KIRREL2: variants seen among roughly 807,000 people sequenced by gnomAD.
KIRREL2 encodes kirre like nephrin family adhesion molecule 2.
In KIRREL2, 56 loss-of-function variants were observed where a neutral mutation model predicts 73.4. The ratio of observed to expected loss-of-function variants is 0.76; its 90% confidence interval spans 0.62 to 0.95. The LOEUF (loss-of-function observed/expected upper bound fraction) is 0.95, where lower values mean the gene tolerates loss of function less well. KIRREL2 is among the 40% of genes least tolerant of loss of function. The probability of loss-of-function intolerance (pLI) is 0.00; values close to 1 mark genes in which losing one functional copy is unlikely to be tolerated. For synonymous variants in KIRREL2, 407 were observed against 404.0 expected (o/e 1.01, Z -0.09); for missense variants, 896 against 935.0 (o/e 0.96, Z 0.54).
Position 35,864,718 on chromosome 19 carries a change from G to A in KIRREL2, c.1791+5G>A, listed in dbSNP as rs1369908414. ...GAAGGGACTCTGGAGACCAAGGTGA[G>A]TGTTGAGAGGGGTGGGGCTCCCTTC... On this transcript the variant is annotated splice_donor_5th_base_variant and intron_variant, in intron 14 of 14. Coordinates refer to ENST00000360202, the MANE Select transcript of KIRREL2 (RefSeq NM_199180.4). 49 of 1,607,462 alleles carry A rather than the reference G, an allele frequency of 3.0e-5. No homozygotes were observed. Among genetic ancestry groups the A allele is most frequent in the Non-Finnish European group, 4.2e-5 (49 of 1,174,126 alleles).
rs373473800 is a variant in KIRREL2, at chr19:35,857,475, G to A, written c.192G>A (p.Gly64=). ...GGACTAAGAGTGGGCTGGCCCTAGG[G>A]GGCCAAAGGGACCTACCAGGTAAGA... ...VQWTKSGLAL[G]GQRDLPGWSR... is the part of the protein sequence containing the mutation. The change falls in exon 2 of 15, where the codon GGG becomes GGA. Residue 64 remains glycine (G), a synonymous_variant. Coordinates refer to ENST00000360202, the MANE Select transcript of KIRREL2 (RefSeq NM_199180.4). The A allele has an allele frequency of 6.4e-5, 102 of 1,599,632 alleles. No individual in the cohort carries two copies. In the Middle Eastern group the frequency reaches 7.4e-3, roughly 116 times the overall value.
rs1973446297 is a variant in KIRREL2, at chr19:35,857,006, G to A, written c.-114G>A. On this transcript the variant is annotated 5_prime_UTR_variant, in exon 1 of 15. Transcript: ENST00000360202. ...CTCCAGGCCAGAGACTAGGCTGGGCGAAGAGTCGAGCGTGAAGGGGGCTCC... is the reference window on the plus strand; with the variant it reads ...CTCCAGGCCAGAGACTAGGCTGGGCAAAGAGTCGAGCGTGAAGGGGGCTCC... 3 of 1,069,916 alleles carry A rather than the reference G, an allele frequency of 2.8e-6. No individual in the cohort carries two copies. The highest frequency in any genetic ancestry group is 3.1e-5 in the African/African-American group (2 of 64,332). 66.3% of individuals were successfully genotyped at this position (1,069,916 alleles called of 1,614,324 possible).
chr19:35,862,796 G>A (rs1423327603), intron 12 of KIRREL2, 131 bp from the exon 13 acceptor site: 2 of 698,582 alleles, frequency 2.9e-6, no homozygotes, highest in African/African-American at 3.6e-5. Flanking sequence ...CGGTGGGAAT[G>A]ATTCTTATTG....
chr19:35,861,412 C>A, intron 9 of KIRREL2, 129 bp from the exon 10 acceptor site: 3 of 1,459,888 alleles, frequency 2.1e-6, no homozygotes, highest in South Asian at 1.2e-5. Context: ...TTAGGAGAAT[C>A]GGAGTTTGGA....
Position 35,861,817 on chromosome 19 carries a change from G to A in KIRREL2, c.1303G>A (p.Asp435Asn), listed in dbSNP as rs1973702876. ...PAPDAVVWSW[D>N]EGFLEAGSQG... ...TTTGTGCCCCCAGGTCTGGTCTTGG[G>A]ATGAGGGCTTCCTGGAGGCGGGGTC... Residue 435 changes from aspartate (D) to asparagine (N), a missense_variant, in exon 11 of 15, where the codon GAT (aspartate) becomes AAT (asparagine). Asp to Asn is a conservative substitution (Grantham distance 23). Coordinates refer to ENST00000360202, the MANE Select transcript of KIRREL2 (RefSeq NM_199180.4). The A allele has an allele frequency of 6.3e-7, 1 of 1,588,196 alleles. No individual in the cohort carries two copies. The highest frequency in any genetic ancestry group is 8.6e-7 in the Non-Finnish European group (1 of 1,167,198).
At chr19:35,856,652 C>T (rs973713068), upstream of KIRREL2, 6 of 289,578 alleles carry the variant, frequency 2.1e-5, no homozygotes, top group East Asian at 2.2e-4. The surrounding 1 kb of genome is among the most constrained non-coding windows in gnomAD (Gnocchi z 5.9). Context: ...CTTCCCTCCT[C>T]CTCACCCCTT....
chr19:35,852,586 G>A (rs952838560), upstream of KIRREL2, among the ~76,000 whole-genome samples: 5 of 151,944 alleles, frequency 3.3e-5, no homozygotes, highest in Non-Finnish European at 5.9e-5. Context: ...TGGCCCAGCT[G>A]GAGCATAAAA....
At position 35,866,465 on chromosome 19, in the gene KIRREL2, C is replaced by A; in HGVS notation, c.2100C>A (p.Ser700Arg). The A allele has an allele frequency of 6.2e-7, 1 of 1,610,546 alleles. No individual in the cohort carries two copies. Among genetic ancestry groups the A allele is most frequent in the Non-Finnish European group, 8.5e-7 (1 of 1,176,820 alleles). Reference sequence around the variant, plus strand: ...CATATGCTGCCTTCCCCACACCTAGCCACCCGCGTCTCCAGACTCACGTGT... The same window carrying A: ...CATATGCTGCCTTCCCCACACCTAGACACCCGCGTCTCCAGACTCACGTGT... The part of the protein sequence containing the change: ...PFPYAAFPTP[S>R]HPRLQTHV The change falls in exon 15 of 15, where the codon AGC becomes AGA. Residue 700 changes from serine to arginine, a missense_variant. By Grantham distance (110) the Ser-to-Arg change is moderately radical. Transcript: ENST00000360202.
chr19:35,851,589 A>G, upstream of KIRREL2: 1 of 1,613,950 alleles, frequency 6.2e-7, no homozygotes, highest in East Asian at 2.2e-5. Flanking sequence ...AGCTCCACTG[A>G]GGCCCCCTCC....
At chr19:35,856,298 G>A (rs564473426), upstream of KIRREL2, among the ~76,000 whole-genome samples, 110 of 152,358 alleles carry the variant, frequency 7.2e-4, no homozygotes, top group African/African-American at 2.5e-3. The surrounding 1 kb of genome is among the most constrained non-coding windows in gnomAD (Gnocchi z 5.9). Flanking sequence ...CCGGCCGAGT[G>A]GGGAGAGGGG....
At position 35,858,409 on chromosome 19, in the gene KIRREL2, G is replaced by C. The variant is rs1423949546; in HGVS notation, c.213G>C (p.Gly71=). The change falls in exon 3 of 15, where the codon GGG becomes GGC. Residue 71 remains glycine (G), a splice_region_variant and synonymous_variant. Coordinates refer to ENST00000360202, the MANE Select transcript of KIRREL2 (RefSeq NM_199180.4). The part of the protein sequence containing the change: ...LALGGQRDLP[G]WSRYWISGNA... ...TGACTGCCTTCTCCCTGACTCCAGG[G>C]TGGTCCCGGTACTGGATATCAGGGA... is the stretch of plus-strand genomic sequence containing the variant. 1.8e-5 allele frequency: 29 copies of C among 1,613,184 alleles called. No individual in the cohort carries two copies. The highest frequency in any genetic ancestry group is 2.5e-5 in the Non-Finnish European group (29 of 1,179,402).
At chr19:35,851,759 C>G, upstream of KIRREL2, 2 of 1,555,252 alleles carry the variant, frequency 1.3e-6, no homozygotes, top group South Asian at 2.4e-5. Context: ...GCGCTGGGTA[C>G]AAGGCTGGGA....
rs1309125041 is a variant in KIRREL2 at position 35,858,806 on chromosome 19, C to T, written c.464C>T (p.Thr155Ile). 2 of 1,614,160 alleles carry T rather than the reference C, an allele frequency of 1.2e-6. No individual in the cohort carries two copies. Among genetic ancestry groups the T allele is most frequent in the South Asian group, 1.1e-5 (1 of 91,080 alleles). Residue 155 changes from threonine (T) to isoleucine (I), a missense_variant, in exon 4 of 15, where the codon ACC becomes ATC. Transcript: ENST00000360202. ...TCRSRGDARP[T>I]PELLWFRDGV... ...CGGAGCCGTGGGGATGCCCGCCCTA[C>T]CCCTGAATTGCTGTGGTTCCGAGAT...
At chr19:35,856,102 C>G (rs986872360), upstream of KIRREL2, 3 of 152,456 alleles carry the variant, frequency 2.0e-5, no homozygotes, top group Admixed American at 6.5e-5. The surrounding 1 kb of genome is among the most constrained non-coding windows in gnomAD (Gnocchi z 5.9). Flanking sequence ...TCCCAGCCCC[C>G]CAGCCCTCCT....
upstream of KIRREL2, among the ~76,000 whole-genome samples, chr19:35,855,291 C>A (rs186511337): frequency 6.6e-6 from 1 of 151,960 alleles, no homozygotes; most frequent in African/African-American, 2.4e-5. Flanking sequence ...CTTGCTGGGG[C>A]CTTTAATAAG....
At chr19:35,856,594 C>T (rs181671749), upstream of KIRREL2, 3 of 176,404 alleles carry the variant, frequency 1.7e-5, no homozygotes, top group African/African-American at 7.2e-5. This position sits in a 1 kb window ranked among gnomAD's most constrained non-coding sequence, Gnocchi z 5.9. Flanking sequence ...TTCCACTGAG[C>T]GCAGTCCCTC....
chr19:35,861,664 G>A (rs201569287), intron 10 of KIRREL2, 23 bp downstream of exon 10: 366 of 1,610,016 alleles, frequency 2.3e-4, no homozygotes, highest in African/African-American at 4.3e-4. Flanking sequence ...CACTCCTCCC[G>A]TGACCCATCC....
intron 5 of KIRREL2, among the ~76,000 whole-genome samples, chr19:35,859,967 C>G (rs1408552834): frequency 6.6e-6 from 1 of 152,258 alleles, no homozygotes; most frequent in Non-Finnish European, 1.5e-5. Context: ...ATCACTTGTA[C>G]CCGGGAGGCA....
chr19:35,855,074 A>T (rs1973375736), upstream of KIRREL2, among the ~76,000 whole-genome samples: 1 of 152,144 alleles, frequency 6.6e-6, no homozygotes, highest in African/African-American at 2.4e-5. Flanking sequence ...AAGATGAGGC[A>T]TCTGGCCTCA....
Sources: allele counts gnomAD v4.1 joint callset (sites outside exome capture counted in the v4.1 genomes callset), GRCh38; gene constraint gnomAD v4.1.1; non-coding constraint Gnocchi (gnomAD v3.1); transcripts MANE v1.5; gene names NCBI Gene and HGNC (gene_info 2026-07-23, HGNC 2026-07-21).